The following GALNT13 variants were observed in gnomAD, a reference collection of about 807,000 sequenced individuals.
The protein encoded by GALNT13 is polypeptide N-acetylgalactosaminyltransferase 13.
Under a neutral mutation model 64.2 loss-of-function variants are expected in GALNT13, and 28 were observed. The ratio of observed to expected loss-of-function variants is 0.44; its 90% confidence interval spans 0.32 to 0.60. GALNT13 has a LOEUF of 0.60. GALNT13 is among the 20% of genes least tolerant of loss of function. The probability of loss-of-function intolerance (pLI) is 0.05; values close to 1 mark genes in which losing one functional copy is unlikely to be tolerated. For synonymous variants in GALNT13, 214 were observed against 224.6 expected (o/e 0.95, Z 0.42); for missense variants, 577 against 669.8 (o/e 0.86, Z 1.53).
At chr2:154,237,366 C>G (rs1689245528) in intron 4 of GALNT13, among the ~76,000 whole-genome samples, 1 of 151,442 alleles carries the variant, frequency 6.6e-6, no homozygotes, top group Non-Finnish European at 1.5e-5. Context: ...TGTCTTGTCT[C>G]AAGTAGAATA....
chr2:153,569,157 C>T, the GALNT13 span, among the ~76,000 whole-genome samples: 1 of 152,012 alleles, frequency 6.6e-6, no homozygotes, highest in Non-Finnish European at 1.5e-5. Context: ...ATGTTAAATG[C>T]TAGTAGAAGC....
At chr2:153,562,275 T>A in the GALNT13 span, among the ~76,000 whole-genome samples, 1 of 152,108 alleles carries the variant, frequency 6.6e-6, no homozygotes, top group Non-Finnish European at 1.5e-5. Context: ...ACTTAGTTCG[T>A]TTTTTTATCA....
chr2:153,948,204 A>G (rs755881309), intron 3 of GALNT13, among the ~76,000 whole-genome samples: 1 of 148,768 alleles, frequency 6.7e-6, no homozygotes, highest in Non-Finnish European at 1.5e-5. Context: ...AGTCTTTTCT[A>G]TTTCTGTGAA....
At chr2:153,750,218 T>C in the GALNT13 span, among the ~76,000 whole-genome samples, 1 of 151,896 alleles carries the variant, frequency 6.6e-6, no homozygotes, top group Non-Finnish European at 1.5e-5. Flanking sequence ...TATTGATGAA[T>C]TGGTTTGCTA....
intron 3 of GALNT13, among the ~76,000 whole-genome samples, chr2:154,099,634 G>A (rs67219548): frequency 0.17 from 25,890 of 151,898 alleles, 4,007 homozygotes; most frequent in East Asian, 0.74. Flanking sequence ...TCTGCATATG[G>A]CTAGCCAATT....
the GALNT13 span, among the ~76,000 whole-genome samples, chr2:153,096,816 T>G: frequency 1.3e-5 from 2 of 152,188 alleles, no homozygotes; most frequent in Non-Finnish European, 2.9e-5. Context: ...TTTTATCCTT[T>G]TAGCCAGTCT....
intron 8 of GALNT13, among the ~76,000 whole-genome samples, chr2:154,264,755 A>C (rs1486633606): frequency 6.6e-6 from 1 of 150,500 alleles, no homozygotes; most frequent in Non-Finnish European, 1.5e-5. Flanking sequence ...AAGCAAACTT[A>C]GGAATTATTT....
the GALNT13 span, among the ~76,000 whole-genome samples, chr2:153,205,438 G>C: frequency 3.3e-5 from 5 of 152,164 alleles, no homozygotes; most frequent in Admixed American, 2.0e-4. Flanking sequence ...ATAGTGCCTG[G>C]TAGATTATGC....
At chr2:153,527,829 T>C in the GALNT13 span, among the ~76,000 whole-genome samples, 2 of 152,130 alleles carry the variant, frequency 1.3e-5, no homozygotes, top group African/African-American at 4.8e-5. Context: ...TTTGCTTGTT[T>C]ATGCAAACAG....
the GALNT13 span, among the ~76,000 whole-genome samples, chr2:153,480,943 G>A: frequency 6.6e-6 from 1 of 152,180 alleles, no homozygotes; most frequent in Non-Finnish European, 1.5e-5. Flanking sequence ...CAGAATTTGA[G>A]TATATTTATT....
intron 2 of GALNT13, among the ~76,000 whole-genome samples, chr2:153,936,583 A>G (rs1299282225): frequency 6.6e-6 from 1 of 152,150 alleles, no homozygotes; most frequent in East Asian, 1.9e-4. Flanking sequence ...AGAGCCATAA[A>G]TATTCTTATT....
chr2:153,525,795 T>A, the GALNT13 span, among the ~76,000 whole-genome samples: 1 of 152,186 alleles, frequency 6.6e-6, no homozygotes, highest in Admixed American at 6.5e-5. Flanking sequence ...TTTCTGGACC[T>A]GCCCTGGACC....
the GALNT13 span, among the ~76,000 whole-genome samples, chr2:153,290,673 A>G: frequency 6.6e-6 from 1 of 152,246 alleles, no homozygotes; most frequent in Non-Finnish European, 1.5e-5. Flanking sequence ...TACTGAGGAC[A>G]AGACCAAGGC....
At chr2:153,752,956 C>T in the GALNT13 span, among the ~76,000 whole-genome samples, 6 of 151,994 alleles carry the variant, frequency 3.9e-5, no homozygotes, top group Non-Finnish European at 8.8e-5. Flanking sequence ...CCTTTGAACT[C>T]CTTTGTGTAT....
chr2:153,733,644 A>G, the GALNT13 span, among the ~76,000 whole-genome samples: 1 of 152,134 alleles, frequency 6.6e-6, no homozygotes, highest in Non-Finnish European at 1.5e-5. Flanking sequence ...ATGTTATTAG[A>G]TCTTAAAGTG....
chr2:154,046,376 C>G (rs957542311), intron 3 of GALNT13, among the ~76,000 whole-genome samples: 1 of 152,056 alleles, frequency 6.6e-6, no homozygotes, highest in African/African-American at 2.4e-5. Flanking sequence ...AAACACATTT[C>G]AAGTTGGGTC....
intron 11 of GALNT13, among the ~76,000 whole-genome samples, chr2:154,434,246 C>G (rs1229198171): frequency 6.6e-6 from 1 of 152,084 alleles, no homozygotes; most frequent in Non-Finnish European, 1.5e-5. Flanking sequence ...TGAGTTATTA[C>G]AGTGATTAGT....
the GALNT13 span, among the ~76,000 whole-genome samples, chr2:153,327,804 C>G: frequency 3.0e-4 from 46 of 152,118 alleles, no homozygotes; most frequent in Non-Finnish European, 4.0e-4. Flanking sequence ...GTCAATTCGT[C>G]AAACTCATTC....
the GALNT13 span, among the ~76,000 whole-genome samples, chr2:153,825,615 TG>T: frequency 2.9e-5 from 4 of 138,328 alleles, no homozygotes; most frequent in Admixed American, 1.4e-4. Flanking sequence ...GTGCTGTGTG[TG>T]TGTGTGTGTG....
Sources: allele counts gnomAD v4.1 joint callset (sites outside exome capture counted in the v4.1 genomes callset), GRCh38; gene constraint gnomAD v4.1.1; transcripts MANE v1.5; gene names NCBI Gene and HGNC (gene_info 2026-07-23, HGNC 2026-07-21).